The following GRIA4 variants were observed in gnomAD, a reference collection of about 807,000 sequenced individuals.
The protein encoded by GRIA4 is glutamate ionotropic receptor AMPA type subunit 4.
Under a neutral mutation model 104.0 loss-of-function variants are expected in GRIA4, and 34 were observed. The ratio of observed to expected loss-of-function variants is 0.33; its 90% confidence interval spans 0.25 to 0.44. The LOEUF (loss-of-function observed/expected upper bound fraction) is 0.44. Ranked by LOEUF, GRIA4 falls within the 20% of genes least tolerant of loss-of-function variation. The pLI, the probability that GRIA4 is intolerant of heterozygous loss-of-function variation, is 1.00. For synonymous variants in GRIA4, 386 were observed against 381.9 expected (o/e 1.01, Z -0.13); for missense variants, 750 against 1,096.5 (o/e 0.68, Z 4.46).
chr11:105,963,819 G>A (rs371387314), intron 14 of GRIA4, among the ~76,000 whole-genome samples: 1 of 152,058 alleles, frequency 6.6e-6, no homozygotes, highest in East Asian at 1.9e-4. Flanking sequence ...CTATTGTGCT[G>A]TGAAACTGTC....
intron 4 of GRIA4, among the ~76,000 whole-genome samples, chr11:105,811,669 T>A (rs911277921): frequency 5.3e-5 from 8 of 152,314 alleles, no homozygotes; most frequent in African/African-American, 1.9e-4. Flanking sequence ...CAGCAAATTT[T>A]TTGGAAAAGT....
intron 4 of GRIA4, among the ~76,000 whole-genome samples, chr11:105,794,518 T>TATAC (rs1565241479): frequency 4.6e-4 from 56 of 120,844 alleles, no homozygotes; most frequent in African/African-American, 6.9e-4. Context: ...TATATACATA[T>TATAC]ACACACACAC....
intron 4 of GRIA4, among the ~76,000 whole-genome samples, chr11:105,756,297 C>A (rs555029890): frequency 3.3e-5 from 5 of 152,014 alleles, no homozygotes; most frequent in Admixed American, 2.6e-4. Flanking sequence ...TAACTGTATA[C>A]CTGTCAAGTG....
intron 3 of GRIA4, among the ~76,000 whole-genome samples, chr11:105,628,451 C>T (rs888796577): frequency 2.0e-5 from 3 of 152,032 alleles, no homozygotes; most frequent in African/African-American, 7.2e-5. Context: ...TGGAGAGACC[C>T]GGACGTTGGA....
At chr11:105,740,345 A>T (rs953421856) in intron 3 of GRIA4, among the ~76,000 whole-genome samples, 4 of 152,224 alleles carry the variant, frequency 2.6e-5, no homozygotes, top group African/African-American at 9.6e-5. Flanking sequence ...TGCCAGGGTC[A>T]ACTCAGCAAC....
Position 105,710,727 on chromosome 11 carries a change from C to T in GRIA4, c.248-42254C>T, listed in dbSNP as rs115956476. Among the ~76,000 whole-genome samples, 438 of 152,158 alleles carry T rather than the reference C, an allele frequency of 2.9e-3. 2 individuals are homozygous for T. The highest frequency in any genetic ancestry group is 0.01 in the African/African-American group (417 of 41,526). On this transcript the variant is annotated intron_variant, in intron 3 of 16. Coordinates refer to ENST00000282499, the MANE Select transcript of GRIA4 (RefSeq NM_000829.4). ...AACAATAGGCATAAATTATTGAAGCCTCATTTCCCTAGAGTGTAAAAGGGA... is the reference window on the plus strand; with the variant it reads ...AACAATAGGCATAAATTATTGAAGCTTCATTTCCCTAGAGTGTAAAAGGGA...
intron 5 of GRIA4, among the ~76,000 whole-genome samples, chr11:105,871,154 C>T (rs891974019): frequency 1.1e-4 from 16 of 151,890 alleles, no homozygotes; most frequent in African/African-American, 3.9e-4. Flanking sequence ...ATATATAATG[C>T]CATATAGTGA....
intron 4 of GRIA4, among the ~76,000 whole-genome samples, chr11:105,800,663 T>C (rs1274234009): frequency 2.0e-5 from 3 of 152,092 alleles, no homozygotes; most frequent in Non-Finnish European, 4.4e-5. Flanking sequence ...GTCAAATATT[T>C]ATTCCTAAAT....
intron 10 of GRIA4, 38 bp downstream of exon 10, chr11:105,910,583 T>C: frequency 9.2e-7 from 1 of 1,091,036 alleles, no homozygotes; most frequent in Non-Finnish European, 1.4e-6. Context: ...TTCCGTTTTG[T>C]CCACAGGCAA....
At chr11:105,698,546 T>C (rs1012741067) in intron 3 of GRIA4, among the ~76,000 whole-genome samples, 1 of 152,114 alleles carries the variant, frequency 6.6e-6, no homozygotes, top group Non-Finnish European at 1.5e-5. Context: ...TGCTTTGCAA[T>C]GAGACACGAA....
At chr11:105,699,713 C>T (rs1445619) in intron 3 of GRIA4, among the ~76,000 whole-genome samples, 70,174 of 151,742 alleles carry the variant, frequency 0.46, 16,361 homozygotes, top group East Asian at 0.58. Context: ...CCCATGGACA[C>T]GCACGGGGCT....
At chr11:105,785,278 A>T (rs1941909472) in intron 4 of GRIA4, among the ~76,000 whole-genome samples, 1 of 152,156 alleles carries the variant, frequency 6.6e-6, no homozygotes, top group African/African-American at 2.4e-5. Flanking sequence ...ATCCATCAAT[A>T]CCATATTGAA....
rs1193735179 is a variant in GRIA4, at chr11:105,644,954, T to C, written c.247+32520T>C. Among the ~76,000 whole-genome samples the C allele has an allele frequency of 2.0e-5, 3 of 152,136 alleles. No individual in the cohort carries two copies. In the East Asian group the frequency reaches 5.8e-4, roughly 29 times the overall value. ...TTACTAATTCCTTCTATTTTGGAAG[T>C]GGGAGGCCTGGGAGCTAAGCAGTGC... On this transcript the variant is annotated intron_variant, in intron 3 of 16. Coordinates refer to ENST00000282499, the MANE Select transcript of GRIA4 (RefSeq NM_000829.4).
At chr11:105,904,501 C>A (rs1946974644) in intron 8 of GRIA4, among the ~76,000 whole-genome samples, 1 of 152,174 alleles carries the variant, frequency 6.6e-6, no homozygotes, top group East Asian at 1.9e-4. Flanking sequence ...TATAAGCCCA[C>A]TTGGGTCCTG....
At chr11:105,645,751 G>A (rs1467981230) in intron 3 of GRIA4, among the ~76,000 whole-genome samples, 1 of 152,132 alleles carries the variant, frequency 6.6e-6, no homozygotes, top group African/African-American at 2.4e-5. Flanking sequence ...CAGAACAAAA[G>A]TAATGACAGA....
At chr11:105,890,975 A>G (rs1372776408) in intron 6 of GRIA4, among the ~76,000 whole-genome samples, 1 of 152,188 alleles carries the variant, frequency 6.6e-6, no homozygotes, top group Non-Finnish European at 1.5e-5. Context: ...AAAGCGTATG[A>G]TATCGCAATA....
At chr11:105,827,186 G>C (rs983275267) in intron 4 of GRIA4, among the ~76,000 whole-genome samples, 2 of 151,926 alleles carry the variant, frequency 1.3e-5, no homozygotes, top group Non-Finnish European at 2.9e-5. Context: ...AAGTGAAAAT[G>C]ATTTCCACGC....
Position 105,903,879 on chromosome 11 carries a change from G to C in GRIA4, c.951G>C (p.Arg317Ser). ...VMAETFRSLR[R>S]QKIDISRRGN... ...CTGAAACTTTCCGAAGTCTTAGGAG[G>C]CAGAAAATTGATATCTCAAGGAGAG... is the stretch of plus-strand genomic sequence containing the variant. Residue 317 changes from arginine to serine, a missense_variant, in exon 8 of 17, where the codon AGG becomes AGC. This residue lies in a region of GRIA4 where 410 missense variants were observed against 502.7 expected (regional missense o/e 0.82). Coordinates refer to ENST00000282499, the MANE Select transcript of GRIA4 (RefSeq NM_000829.4). 5 of 1,612,114 alleles carry C rather than the reference G, an allele frequency of 3.1e-6. No homozygotes were observed. Among genetic ancestry groups the C allele is most frequent in the East Asian group, 2.2e-5 (1 of 44,844 alleles).
At chr11:105,614,114 T>C (rs951830358) in intron 3 of GRIA4, 2 of 151,804 alleles carry the variant, frequency 1.3e-5, no homozygotes, top group Non-Finnish European at 2.9e-5. Flanking sequence ...TCAATCTTAC[T>C]ACTTTTAAAA....
Sources: gnomAD v4.1 joint callset for allele counts (sites outside exome capture counted in the v4.1 genomes callset) on GRCh38, gnomAD v4.1.1 for gene constraint, gnomAD v4.1.1 regional missense constraint, MANE v1.5 for transcripts, NCBI Gene and HGNC (gene_info 2026-07-23, HGNC 2026-07-21) for gene names.